DYNC1H1: variants seen among roughly 807,000 people sequenced by gnomAD.
The protein encoded by DYNC1H1 is cytoplasmic dynein 1 heavy chain 1.
DYNC1H1 carries 51 observed loss-of-function variants against 527.1 expected under a neutral mutation model. That is an observed-to-expected ratio of 0.10 (90% CI 0.08 to 0.12). The LOEUF is 0.12. Among genes scored for constraint, DYNC1H1 ranks in the 10% least tolerant of loss-of-function variants. DYNC1H1 has a pLI of 1.00. For missense variants in DYNC1H1, 2,771 were observed against 5,971.8 expected (o/e 0.46, Z 17.66); for synonymous variants, 2,189 against 2,278.8 (o/e 0.96, Z 1.12).
At position 102,054,136 on chromosome 14, in the gene DYNC1H1, C is replaced by T. The variant is rs7151023; in HGVS notation, c.*3573C>T. 46,325 of 152,138 alleles carry T rather than the reference C, an allele frequency of 0.3. 8,479 individuals are homozygous for T. Among genetic ancestry groups the T allele is most frequent in the African/African-American group, 0.52 (21,777 of 41,488 alleles). The allele number at this position is 152,138 out of a possible 1,614,324, so 9.4% of individuals were successfully genotyped here. A position where few individuals can be genotyped will look rare whatever the true frequency, so the allele number is the denominator to read the frequency against. On this transcript the variant is annotated 3_prime_UTR_variant, in exon 78 of 78. Transcript: ENST00000360184. ...CTGGGGACTCAGCCTGAGCCTTGTTCCCAGAAAGCCCTCAACGCAGTGCTG... is the reference window on the plus strand; with the variant it reads ...CTGGGGACTCAGCCTGAGCCTTGTTTCCAGAAAGCCCTCAACGCAGTGCTG...
chr14:102,049,737 C>G lies in DYNC1H1; in HGVS notation c.13539C>G (p.Gly4513=), dbSNP rs1165803933. 1.2e-6 allele frequency: 2 copies of G among 1,613,792 alleles called. No homozygotes were observed. The highest frequency in any genetic ancestry group is 8.5e-7 in the Non-Finnish European group (1 of 1,180,038). ...AGAACATCCACGTGTGCCTGGGTGG[C>G]CTGTTCGTGCCTGAGGCGTACATCA... ...ELKNIHVCLG[G]LFVPEAYITA... Residue 4513 remains glycine (G), a synonymous_variant, in exon 76 of 78, where the codon GGC becomes GGG. Coordinates refer to ENST00000360184, the MANE Select transcript of DYNC1H1 (RefSeq NM_001376.5). This position sits in a 1 kb window ranked among gnomAD's most constrained non-coding sequence, Gnocchi z 5.5.
chr14:102,008,546 G>C (rs2048223492), intron 29 of DYNC1H1, among the ~76,000 whole-genome samples: 1 of 152,164 alleles, frequency 6.6e-6, no homozygotes, highest in Non-Finnish European at 1.5e-5. Context: ...CCAGCACTTT[G>C]GGAGGCTGAG....
In DYNC1H1 at chr14:102,001,349, A is replaced by T; in HGVS notation, c.4390A>T (p.Lys1464Ter). 6.2e-7 allele frequency: 1 copy of T among 1,614,136 alleles called. No individual in the cohort carries two copies. The highest frequency in any genetic ancestry group is 8.5e-7 in the Non-Finnish European group (1 of 1,180,022). The part of the protein sequence containing the change: ...QGEMALEEFL[K>*]QIREVWNTYE... ...GGAGATGGCTTTGGAAGAATTTTTG[A>T]AGCAGGCGAGTAATAGGACTGAACG... The change falls in exon 20 of 78, where the codon AAG becomes TAG. Residue 1464 changes from lysine (K) to a stop codon, truncating the protein, a stop_gained. Transcript: ENST00000360184. LOFTEE classifies it high-confidence loss of function. This position sits in a 1 kb window ranked among gnomAD's most constrained non-coding sequence, Gnocchi z 5.0.
At position 102,018,412 on chromosome 14, in the gene DYNC1H1, T is replaced by C; in HGVS notation, c.8178-39T>C. 1.2e-6 allele frequency: 2 copies of C among 1,608,064 alleles called. No individual in the cohort carries two copies. Among genetic ancestry groups the C allele is most frequent in the South Asian group, 2.2e-5 (2 of 90,714 alleles). On this transcript the variant is annotated intron_variant, in intron 40 of 77. Coordinates refer to ENST00000360184, the MANE Select transcript of DYNC1H1 (RefSeq NM_001376.5). The surrounding 1 kb of genome is among the most constrained non-coding windows in gnomAD (Gnocchi z 5.2). ...CACACTGCCCCTTCCTGGGAGGCGC[T>C]GTCAGGGAGGGGCGCTGAGCGGGGC...
Position 101,974,888 on chromosome 14 carries a change from G to A in DYNC1H1, c.257-824G>A, listed in dbSNP as rs182173623. Among the ~76,000 whole-genome samples the A allele has an allele frequency of 1.7e-3, 255 of 152,280 alleles. 3 individuals carry two copies. The highest frequency in any genetic ancestry group is 5.8e-3 in the African/African-American group (239 of 41,548). On this transcript the variant is annotated intron_variant, in intron 1 of 77. Coordinates refer to ENST00000360184, the MANE Select transcript of DYNC1H1 (RefSeq NM_001376.5). ...CATGTTGTATTGCGTGGAATCTAGC[G>A]TGGTCTCTGCCTTCCAAGAGCTCAC...
In DYNC1H1 at chr14:102,036,846, C is replaced by T. The variant is rs543630628; in HGVS notation, c.10908+204C>T. On this transcript the variant is annotated intron_variant, in intron 57 of 77. Coordinates refer to ENST00000360184, the MANE Select transcript of DYNC1H1 (RefSeq NM_001376.5). The surrounding 1 kb of genome is among the most constrained non-coding windows in gnomAD (Gnocchi z 5.6). ...AGTGGTCGGGCGAGGTGGCTCACAC[C>T]TGTAATCTCAGCACTTTGGGAGGCC... 6 of 613,358 alleles carry T rather than the reference C, an allele frequency of 9.8e-6. No homozygotes were observed. In the African/African-American group the frequency reaches 1.1e-4, roughly 11 times the overall value. The allele number at this position is 613,358 out of a possible 1,614,324, so 38.0% of individuals were successfully genotyped here.
rs2152588734 is a variant in DYNC1H1 at position 102,026,719 on chromosome 14, T to G, written c.8771+12T>G. 1 of 1,613,460 alleles carries G rather than the reference T, an allele frequency of 6.2e-7. No homozygotes were observed. The highest frequency in any genetic ancestry group is 8.5e-7 in the Non-Finnish European group (1 of 1,179,752). Reference sequence around the variant, plus strand: ...CTGAGGATTGACAGGTGGGCTTTTTTGTTGTTACAGCCCCACCTCTCGCCT... The same window carrying G: ...CTGAGGATTGACAGGTGGGCTTTTTGGTTGTTACAGCCCCACCTCTCGCCT... On this transcript the variant is annotated intron_variant, in intron 44 of 77. Transcript: ENST00000360184.
Position 102,016,424 on chromosome 14 carries a change from T to C in DYNC1H1, c.7549T>C (p.Tyr2517His), listed in dbSNP as rs1567012503. 2 of 1,614,140 alleles carry C rather than the reference T, an allele frequency of 1.2e-6. No homozygotes were observed. Among genetic ancestry groups the C allele is most frequent in the Non-Finnish European group, 1.7e-6 (2 of 1,180,026 alleles). ...AAAAATGAGAGCAGAGCTGGGTGAATACATCAGAAGAATCACGACCGTGCC... is the reference window on the plus strand; with the variant it reads ...AAAAATGAGAGCAGAGCTGGGTGAACACATCAGAAGAATCACGACCGTGCC... ...RLKMRAELGE[Y>H]IRRITTVPLP... Residue 2517 changes from tyrosine (Y) to histidine (H), a missense_variant, in exon 37 of 78, where the codon TAC becomes CAC. This residue lies in a region of DYNC1H1 where 71 missense variants were observed against 143.6 expected (regional missense o/e 0.49). Coordinates refer to ENST00000360184, the MANE Select transcript of DYNC1H1 (RefSeq NM_001376.5). This position sits in a 1 kb window ranked among gnomAD's most constrained non-coding sequence, Gnocchi z 7.3.
At chr14:101,980,289 A>C (rs890396833) in intron 4 of DYNC1H1, 75 bp from the exon 5 acceptor site, 4 of 1,536,874 alleles carry the variant, frequency 2.6e-6, no homozygotes, top group Non-Finnish European at 3.6e-6. Flanking sequence ...GTTGTAATGC[A>C]TGTGTTTTGT....
intron 1 of DYNC1H1, among the ~76,000 whole-genome samples, chr14:101,970,467 G>GTTT (rs1369451236): frequency 9.7e-6 from 1 of 103,548 alleles, no homozygotes; most frequent in Non-Finnish European, 1.8e-5. Context: ...TGTTTGGTTT[G>GTTT]TTGTTGTTTT....
Position 101,994,864 on chromosome 14 carries a change from C to T in DYNC1H1, c.3333+15C>T, listed in dbSNP as rs1362638345. 19 of 1,614,124 alleles carry T rather than the reference C, an allele frequency of 1.2e-5. No homozygotes were observed. The East Asian group carries it at 4.2e-4, about 36-fold the overall frequency. ...ATTATGGCAAGGTGAGCCCTGCTGT[C>T]TGGTTGAAAGGTGTCACGGGTAGTG... On this transcript the variant is annotated intron_variant, in intron 13 of 77. Transcript: ENST00000360184.
At chr14:101,969,882 G>A (rs917039986) in intron 1 of DYNC1H1, among the ~76,000 whole-genome samples, 5 of 152,208 alleles carry the variant, frequency 3.3e-5, no homozygotes, top group African/African-American at 1.2e-4. Flanking sequence ...CAGATTGGGA[G>A]CAGCAAGAGA....
intron 11 of DYNC1H1, among the ~76,000 whole-genome samples, chr14:101,993,750 T>C (rs899175019): frequency 3.9e-5 from 6 of 152,192 alleles, no homozygotes; most frequent in African/African-American, 1.4e-4. Flanking sequence ...CCTCTCCTTC[T>C]CACTCTTGCT....
At chr14:101,966,579 G>A (rs1289533010) in intron 1 of DYNC1H1, among the ~76,000 whole-genome samples, 1 of 151,818 alleles carries the variant, frequency 6.6e-6, no homozygotes, top group Non-Finnish European at 1.5e-5. Flanking sequence ...ATGCATATTC[G>A]TCATTTTATT....
chr14:102,047,304 G>A (rs963850794), intron 72 of DYNC1H1, among the ~76,000 whole-genome samples: 41 of 152,118 alleles, frequency 2.7e-4, no homozygotes, highest in Non-Finnish European at 3.1e-4. Context: ...AGGCCAAGGC[G>A]AGCAGATCAC....
At chr14:101,971,132 C>G (rs2047733956) in intron 1 of DYNC1H1, among the ~76,000 whole-genome samples, 1 of 115,844 alleles carries the variant, frequency 8.6e-6, no homozygotes, top group Admixed American at 1.2e-4. Context: ...GGGTCTTGCT[C>G]TGTCGCCCAG....
rs1447029259 is a variant in DYNC1H1, at chr14:102,041,186, C to T, written c.11942-388C>T. On this transcript the variant is annotated intron_variant, in intron 64 of 77. Transcript: ENST00000360184. This position sits in a 1 kb window ranked among gnomAD's most constrained non-coding sequence, Gnocchi z 4.5. ...CATGCTGCAGACAGGAATGGAATGC[C>T]ATCAGCCGTTTTTGAGTGTGTTAGG... 2.8e-6 allele frequency: 1 copy of T among 356,868 alleles called. No homozygotes were observed. Among genetic ancestry groups the T allele is most frequent in the African/African-American group, 2.1e-5 (1 of 47,518 alleles). 22.1% of individuals were successfully genotyped at this position (356,868 alleles called of 1,614,324 possible).
Position 102,018,424 on chromosome 14 carries a change from G to T in DYNC1H1, c.8178-27G>T, listed in dbSNP as rs1249454054. On this transcript the variant is annotated intron_variant, in intron 40 of 77. Transcript: ENST00000360184. The surrounding 1 kb of genome is among the most constrained non-coding windows in gnomAD (Gnocchi z 5.2). Reference sequence around the variant, plus strand: ...TCCTGGGAGGCGCTGTCAGGGAGGGGCGCTGAGCGGGGCTATCTGTGCACA... The same window carrying T: ...TCCTGGGAGGCGCTGTCAGGGAGGGTCGCTGAGCGGGGCTATCTGTGCACA... 6 of 1,610,536 alleles carry T rather than the reference G, an allele frequency of 3.7e-6. No homozygotes were observed. The highest frequency in any genetic ancestry group is 5.1e-6 in the Non-Finnish European group (6 of 1,179,584).
intron 16 of DYNC1H1, among the ~76,000 whole-genome samples, chr14:101,999,545 G>T (rs959757711): frequency 6.6e-6 from 1 of 152,222 alleles, no homozygotes; most frequent in Admixed American, 6.5e-5. Context: ...AAATGGTAGT[G>T]TTAATGCTGA....
Sources: allele counts gnomAD v4.1 joint callset (sites outside exome capture counted in the v4.1 genomes callset), GRCh38; gene constraint gnomAD v4.1.1; regional missense constraint gnomAD v4.1.1; non-coding constraint Gnocchi (gnomAD v3.1); transcripts MANE v1.5; gene names NCBI Gene and HGNC (gene_info 2026-07-23, HGNC 2026-07-21).